RAPGEF3: variants seen among roughly 807,000 people sequenced by gnomAD.
The protein encoded by RAPGEF3 is Rap guanine nucleotide exchange factor 3.
A neutral mutation model predicts 129.8 loss-of-function variants in RAPGEF3; 103 were observed. The ratio of observed to expected loss-of-function variants is 0.79; its 90% confidence interval spans 0.68 to 0.93. The LOEUF (loss-of-function observed/expected upper bound fraction) is 0.93, where lower values mean the gene tolerates loss of function less well. Ranked by LOEUF, RAPGEF3 falls within the 40% of genes least tolerant of loss-of-function variation. The pLI is 0.00. For synonymous variants in RAPGEF3, 436 were observed against 482.6 expected (o/e 0.90, Z 1.26); for missense variants, 1,117 against 1,207.4 (o/e 0.93, Z 1.11).
At chr12:47,744,300 T>C in intron 16 of RAPGEF3, 1 of 565,998 alleles carries the variant, frequency 1.8e-6, no homozygotes, top group East Asian at 3.0e-5. Context: ...CCCCTCCGTG[T>C]GTGTGTGCTT....
chr12:47,738,224 C>T lies in RAPGEF3; in HGVS notation c.2550G>A (p.Arg850=), dbSNP rs1486226244. The T allele has an allele frequency of 6.2e-7, 1 of 1,613,616 alleles. No individual in the cohort carries two copies. Among genetic ancestry groups the T allele is most frequent in the African/African-American group, 1.3e-5 (1 of 75,032 alleles). Residue 850 remains arginine (R), a synonymous_variant, in exon 26 of 28, where the codon CGG becomes CGA. Transcript: ENST00000449771. ...TGTGGCTTCGGCAGTGGTGCAGCAT[C>T]CGCGCGGCTCTGGCCATCATTCTCT... ...EKMRMMARAA[R]MLHHCRSHNP... is the part of the protein sequence containing the mutation.
Position 47,758,764 on chromosome 12 carries a change from G to T in RAPGEF3, c.-208C>A, listed in dbSNP as rs910516284. On this transcript the variant is annotated 5_prime_UTR_variant, in exon 1 of 28. Transcript: ENST00000449771. ...GAGGCTCCTCTTGGGTGAGTAGAGG[G>T]GTGGGGGCGTGGTGGGGGGACGCCA... The T allele has an allele frequency of 3.2e-6, 4 of 1,247,790 alleles. No homozygotes were observed. In the South Asian group the frequency reaches 1.3e-4, roughly 40 times the overall value. The allele number at this position is 1,247,790 out of a possible 1,614,324, so 77.3% of individuals were successfully genotyped here. A position where few individuals can be genotyped will look rare whatever the true frequency, so the allele number is the denominator to read the frequency against.
rs1000028826 is a variant in RAPGEF3, at chr12:47,736,483, G to T, written c.*1084C>A. 6.6e-6 allele frequency: 1 copy of T among 152,390 alleles called. No homozygotes were observed. Among genetic ancestry groups the T allele is most frequent in the Non-Finnish European group, 1.5e-5 (1 of 68,162 alleles). The allele number at this position is 152,390 out of a possible 1,614,324, so 9.4% of individuals were successfully genotyped here. Reference sequence around the variant, plus strand: ...GGGTGAGCTCTGCCTCGCAAGAGGCGTCCTGGCAGTAGCTGGTTCCTAGGG... The same window carrying T: ...GGGTGAGCTCTGCCTCGCAAGAGGCTTCCTGGCAGTAGCTGGTTCCTAGGG... On this transcript the variant is annotated 3_prime_UTR_variant, in exon 28 of 28. Transcript: ENST00000449771.
chr12:47,746,671 G>A (rs1267335475), intron 16 of RAPGEF3, 189 bp downstream of exon 16: 8 of 753,398 alleles, frequency 1.1e-5, no homozygotes, highest in East Asian at 8.0e-5. Flanking sequence ...AGGCCTCTGC[G>A]CCTCCTGGCA....
chr12:47,740,533 G>T, intron 21 of RAPGEF3, 109 bp downstream of exon 21: 1 of 1,493,612 alleles, frequency 6.7e-7, no homozygotes, highest in South Asian at 1.2e-5. Context: ...GGGGACCCAG[G>T]GAACAAATAG....
chr12:47,746,742 G>T, intron 16 of RAPGEF3, 118 bp downstream of exon 16: 1 of 1,152,130 alleles, frequency 8.7e-7, no homozygotes, highest in Non-Finnish European at 1.3e-6. Flanking sequence ...AGAGACCCAA[G>T]GGTGTGTCTG....
chr12:47,751,767 G>C lies in RAPGEF3; in HGVS notation c.336C>G (p.Cys112Trp), dbSNP rs1941765573. The change falls in exon 4 of 28, where the codon TGC (cysteine) becomes TGG (tryptophan). Residue 112 changes from cysteine (C) to tryptophan (W), a missense_variant. Transcript: ENST00000449771. ...RQLHRHLLAT[C>W]PNLIRDRKYH... The stretch of plus-strand genomic sequence containing the variant: ...ACTTCCGGTCTCGGATGAGGTTTGG[G>C]CAGGTGGCCAGCAGATGCCGATGCA... The C allele has an allele frequency of 6.2e-7, 1 of 1,613,762 alleles. No individual in the cohort carries two copies. Among genetic ancestry groups the C allele is most frequent in the Admixed American group, 1.7e-5 (1 of 60,014 alleles).
In RAPGEF3 at chr12:47,750,897, C is replaced by T. The variant is rs1001784477; in HGVS notation, c.671+151G>A. 30 of 1,105,410 alleles carry T rather than the reference C, an allele frequency of 2.7e-5. 1 individual carries two copies. The highest frequency in any genetic ancestry group is 3.1e-5 in the South Asian group (2 of 64,714). 68.5% of individuals were successfully genotyped at this position (1,105,410 alleles called of 1,614,324 possible). ...AGGGATCCAGGTCACACAGTGAGTC[C>T]GTGGCAGTCAGCGCCAGGGGCTTCT... On this transcript the variant is annotated intron_variant, in intron 6 of 27. Transcript: ENST00000449771.
At chr12:47,738,379 A>C (rs1940928267) in intron 25 of RAPGEF3, 132 bp from the exon 26 acceptor site, 2 of 1,239,042 alleles carry the variant, frequency 1.6e-6, no homozygotes, top group South Asian at 1.3e-5. Context: ...ATGTGGCATC[A>C]TGTGTACTTC....
At chr12:47,737,715 T>C (rs1484588087) in intron 27 of RAPGEF3, 30 bp from the exon 28 acceptor site, 1 of 1,592,432 alleles carries the variant, frequency 6.3e-7, no homozygotes, top group Non-Finnish European at 8.6e-7. Context: ...AGGGAGGCAC[T>C]GATGCCCCTT....
intron 19 of RAPGEF3, 152 bp from the exon 20 acceptor site, chr12:47,741,192 G>A (rs1373186227): frequency 2.0e-6 from 2 of 1,009,600 alleles, no homozygotes; most frequent in Non-Finnish European, 2.8e-6. Flanking sequence ...AGGGGCTATA[G>A]CAGCTGGAGG....
At chr12:47,740,575 A>AG in intron 21 of RAPGEF3, 67 bp downstream of exon 21, 1 of 1,554,340 alleles carries the variant, frequency 6.4e-7, no homozygotes, top group Admixed American at 1.8e-5. Context: ...CTAAGCAAAG[A>AG]GGGGGGCTTA....
rs764860668 is a variant in RAPGEF3 at position 47,749,807 on chromosome 12, CT to C, written c.827del (p.Gln276ArgfsTer19). The C allele has an allele frequency of 1.2e-6, 2 of 1,614,244 alleles. No homozygotes were observed. Among genetic ancestry groups the C allele is most frequent in the Non-Finnish European group, 1.7e-6 (2 of 1,180,052 alleles). ...TGTACCACGAAGTGCCCTTGTCCCC[CT>C]GGCTGAACACTGACAGAAGCATACC... is the stretch of plus-strand genomic sequence containing the variant. Reference protein sequence around the residue: ...HSKAGTVLFSQGDKGTSWYII... With the variant: ...HSKAGTVLFSXGDKGTSWYII... On this transcript the variant is annotated frameshift_variant, in exon 9 of 28. Coordinates refer to ENST00000449771, the MANE Select transcript of RAPGEF3 (RefSeq NM_001098531.4). LOFTEE classifies it high-confidence loss of function. This position sits in a 1 kb window ranked among gnomAD's most constrained non-coding sequence, Gnocchi z 4.5.
intron 7 of RAPGEF3, 146 bp downstream of exon 7, chr12:47,750,195 C>T (rs12423645): frequency 0.13 from 140,064 of 1,067,264 alleles, 10,156 homozygotes; most frequent in Middle Eastern, 0.16. Context: ...GACAGGGCAG[C>T]GCCGGGGGCA....
chr12:47,741,190 T>C (rs781347770), intron 19 of RAPGEF3, 150 bp from the exon 20 acceptor site: 35 of 1,032,166 alleles, frequency 3.4e-5, no homozygotes, highest in Non-Finnish European at 4.1e-5. Context: ...CTAGGGGCTA[T>C]AGCAGCTGGA....
intron 5 of RAPGEF3, 87 bp downstream of exon 5, chr12:47,751,312 G>C: frequency 1.9e-6 from 3 of 1,583,080 alleles, no homozygotes; most frequent in Non-Finnish European, 2.6e-6. Flanking sequence ...CACTCCCCAA[G>C]TAGTGCCTGC....
chr12:47,738,093 AC>A lies in RAPGEF3; in HGVS notation c.2582-1del. ...TCGGCTTCTGAGTGGTGAGAGAGGC[AC>A]TGCGGGGGTGGGGAGGGGTCATGGA... On this transcript the variant is annotated splice_acceptor_variant, in intron 26 of 27. Transcript: ENST00000449771. LOFTEE classifies it high-confidence loss of function. 6.2e-7 allele frequency: 1 copy of A among 1,601,056 alleles called. No homozygotes were observed. The highest frequency in any genetic ancestry group is 8.5e-7 in the Non-Finnish European group (1 of 1,172,130).
intron 27 of RAPGEF3, 113 bp downstream of exon 27, chr12:47,737,909 A>T: frequency 1.5e-6 from 2 of 1,353,594 alleles, no homozygotes; most frequent in Non-Finnish European, 2.1e-6. Flanking sequence ...AACATCATGT[A>T]TGGAAGGGCC....
chr12:47,755,639 T>A (rs1305753571), intron 2 of RAPGEF3: 2 of 152,276 alleles, frequency 1.3e-5, no homozygotes, highest in East Asian at 3.8e-4. Flanking sequence ...CTTATCTTAG[T>A]CTGTATCTAA....
Sources: gnomAD v4.1 joint callset for allele counts on GRCh38, gnomAD v4.1.1 for gene constraint, Gnocchi (gnomAD v3.1) non-coding constraint, MANE v1.5 for transcripts, NCBI Gene and HGNC (gene_info 2026-07-23, HGNC 2026-07-21) for gene names.